TBC1D9: variants seen among roughly 807,000 people sequenced by gnomAD.
TBC1D9 encodes TBC1 domain family member 9.
In TBC1D9, 63 loss-of-function variants were observed where a neutral mutation model predicts 132.0. The ratio of observed to expected loss-of-function variants is 0.48; its 90% CI spans 0.39 to 0.59. The LOEUF (loss-of-function observed/expected upper bound fraction) is 0.59. TBC1D9 is among the 20% of genes least tolerant of loss of function. The pLI, the probability that TBC1D9 is intolerant of heterozygous loss-of-function variation, is 0.00. For synonymous variants in TBC1D9, 610 were observed against 609.9 expected (o/e 1.00, Z 0.00); for missense variants, 1,261 against 1,592.7 (o/e 0.79, Z 3.54).
At chr4:140,719,150 ATAAATAAAT>A (rs1474130424) in intron 1 of TBC1D9, among the ~76,000 whole-genome samples, 2 of 150,754 alleles carry the variant, frequency 1.3e-5, no homozygotes, top group African/African-American at 2.4e-5. Flanking sequence ...AAATAAATAA[ATAAATAAAT>A]AAAAGAAAGT....
chr4:140,683,455 C>T (rs1232104443), intron 3 of TBC1D9, among the ~76,000 whole-genome samples: 2 of 152,204 alleles, frequency 1.3e-5, no homozygotes, highest in Admixed American at 1.3e-4. Flanking sequence ...GATAGAATAG[C>T]TCCTTCCCAG....
At chr4:140,698,964 A>G (rs1164461779) in intron 2 of TBC1D9, among the ~76,000 whole-genome samples, 2 of 152,126 alleles carry the variant, frequency 1.3e-5, no homozygotes, top group African/African-American at 4.8e-5. Context: ...GTAATTGACT[A>G]TTTACTTGTA....
rs547900886 is a variant in TBC1D9, at chr4:140,624,420, GA to G, written c.2900-33del. The G allele has an allele frequency of 2.6e-4, 417 of 1,578,422 alleles. 1 individual carries two copies. The African/African-American group carries it at 5.1e-3, about 19-fold the overall frequency. ...AGAAATGGTTCAGAAGAAAAAAGTA[GA>G]ATGTTATATAATATGACCATGGAAT... On this transcript the variant is annotated intron_variant, in intron 18 of 20. Transcript: ENST00000442267.
Position 140,628,310 on chromosome 4 carries a change from G to T in TBC1D9, c.2802C>A (p.His934Gln). ...ATGTAGCTCACTCACCAGGCAAGACGTGCATTTTGTACAGGAGTTTGAGCT... is the reference window on the plus strand; with the variant it reads ...ATGTAGCTCACTCACCAGGCAAGACTTGCATTTTGTACAGGAGTTTGAGCT... ...TEKLKLLYKM[H>Q]VLPEPSSDQD... The change falls in exon 17 of 21, where the codon CAC becomes CAA. Residue 934 changes from histidine to glutamine, a missense_variant. His to Gln is a conservative substitution (Grantham distance 24). This residue lies in a region of TBC1D9 where 618 missense variants were observed against 724.4 expected (regional missense o/e 0.85). Transcript: ENST00000442267. 1 of 1,613,880 alleles carries T rather than the reference G, an allele frequency of 6.2e-7. No homozygotes were observed. The highest frequency in any genetic ancestry group is 8.5e-7 in the Non-Finnish European group (1 of 1,179,766).
At chr4:140,687,343 C>CATATATATAT (rs200090051) in intron 2 of TBC1D9, among the ~76,000 whole-genome samples, 98 of 37,746 alleles carry the variant, frequency 2.6e-3, no homozygotes, top group South Asian at 4.7e-3. Flanking sequence ...GTGTGTGTGT[C>CATATATATAT]ATATATATAT....
intron 2 of TBC1D9, among the ~76,000 whole-genome samples, chr4:140,696,174 C>A (rs980619798): frequency 7.6e-6 from 1 of 131,044 alleles, no homozygotes; most frequent in South Asian, 2.5e-4. Flanking sequence ...AAAAAAGAGG[C>A]GGGCCAGGCG....
At chr4:140,643,689 A>AC in intron 13 of TBC1D9, 1 of 1,178,040 alleles carries the variant, frequency 8.5e-7, no homozygotes, top group Non-Finnish European at 1.2e-6. Context: ...TGTCAGCTGC[A>AC]CCCCCAGGTC....
At chr4:140,638,036 C>T (rs755730417) in intron 15 of TBC1D9, among the ~76,000 whole-genome samples, 1 of 152,184 alleles carries the variant, frequency 6.6e-6, no homozygotes, top group African/African-American at 2.4e-5. Context: ...CAGTGGTGCC[C>T]TCCAGTGGTG....
intron 13 of TBC1D9, chr4:140,641,886 C>A: frequency 2.6e-6 from 1 of 381,044 alleles, no homozygotes; most frequent in Non-Finnish European, 4.9e-6. Context: ...CCACTCGCTT[C>A]CTTCTCGCTC....
intron 2 of TBC1D9, among the ~76,000 whole-genome samples, chr4:140,687,354 A>G (rs1195872255): frequency 0.15 from 6,977 of 47,712 alleles, 1,055 homozygotes; most frequent in African/African-American, 0.44. Flanking sequence ...ATATATATAT[A>G]TATATATATA....
chr4:140,714,191 A>G (rs573559450), intron 1 of TBC1D9, among the ~76,000 whole-genome samples: 12 of 152,372 alleles, frequency 7.9e-5, no homozygotes, highest in Admixed American at 7.8e-4. Flanking sequence ...GGCAAAAAAG[A>G]GTCAAGCTCT....
In TBC1D9 at chr4:140,639,310, C is replaced by A; in HGVS notation, c.2436+20G>T. 6.3e-7 allele frequency: 1 copy of A among 1,590,320 alleles called. No homozygotes were observed. The highest frequency in any genetic ancestry group is 8.6e-7 in the Non-Finnish European group (1 of 1,163,494). Reference sequence around the variant, plus strand: ...GAAGGAAGATGACAGAGGTTGCCTGCTACTTCTTAAAGGACTTACCACGTT... The same window carrying A: ...GAAGGAAGATGACAGAGGTTGCCTGATACTTCTTAAAGGACTTACCACGTT... On this transcript the variant is annotated intron_variant, in intron 14 of 20. Coordinates refer to ENST00000442267, the MANE Select transcript of TBC1D9 (RefSeq NM_015130.3).
intron 2 of TBC1D9, 29 bp downstream of exon 2, chr4:140,701,475 C>G (rs1324396519): frequency 1.3e-6 from 2 of 1,567,676 alleles, no homozygotes; most frequent in Non-Finnish European, 1.8e-6. Flanking sequence ...TCTTTTAAAA[C>G]TTGTGTATTT....
rs183187734 is a variant in TBC1D9 at position 140,656,622 on chromosome 4, T to C, written c.2337+475A>G. On this transcript the variant is annotated intron_variant, in intron 13 of 20. Coordinates refer to ENST00000442267, the MANE Select transcript of TBC1D9 (RefSeq NM_015130.3). ...TTTGTCTCTTTGCAGTTAACTCCTC[T>C]CTTGCTAACTTGCCCATTGCATCCT... Among the ~76,000 whole-genome samples the C allele has an allele frequency of 3.5e-3, 536 of 152,330 alleles. 3 individuals carry two copies. The highest frequency in any genetic ancestry group is 0.012 in the African/African-American group (502 of 41,570).
chr4:140,643,879 T>C (rs948895045), intron 13 of TBC1D9: 1 of 716,552 alleles, frequency 1.4e-6, no homozygotes. Flanking sequence ...ATGGTTTCCA[T>C]GGCGGGCAGT....
At chr4:140,695,314 G>A (rs1389011344) in intron 2 of TBC1D9, among the ~76,000 whole-genome samples, 1 of 152,136 alleles carries the variant, frequency 6.6e-6, no homozygotes, top group Non-Finnish European at 1.5e-5. Context: ...CAGGCAAGAC[G>A]ATAGCTGCTC....
intron 1 of TBC1D9, among the ~76,000 whole-genome samples, chr4:140,744,695 C>G (rs1738810700): frequency 6.6e-6 from 1 of 151,942 alleles, no homozygotes; most frequent in Non-Finnish European, 1.5e-5. Flanking sequence ...ACCAGCTTGA[C>G]TAACATAGTG....
chr4:140,749,612 C>A (rs1351982687), intron 1 of TBC1D9, among the ~76,000 whole-genome samples: 1 of 152,044 alleles, frequency 6.6e-6, no homozygotes, highest in Non-Finnish European at 1.5e-5. Flanking sequence ...TGGTTTAGGC[C>A]AGGAGTTTGA....
At chr4:140,682,098 T>C (rs1399950688) in intron 3 of TBC1D9, among the ~76,000 whole-genome samples, 1 of 152,018 alleles carries the variant, frequency 6.6e-6, no homozygotes, top group Non-Finnish European at 1.5e-5. Context: ...TAAGGGGCCA[T>C]ATCTTAGTCT....
Sources: allele counts gnomAD v4.1 joint callset (sites outside exome capture counted in the v4.1 genomes callset), GRCh38; gene constraint gnomAD v4.1.1; regional missense constraint gnomAD v4.1.1; transcripts MANE v1.5; gene names NCBI Gene and HGNC (gene_info 2026-07-23, HGNC 2026-07-21).